The following ZER1 variants were observed in gnomAD, a reference collection of about 807,000 sequenced individuals.
ZER1 encodes zyg-11 related cell cycle regulator, also known as protein zer-1 homolog.
A neutral mutation model predicts 78.8 loss-of-function variants in ZER1; 11 were observed. The observed-to-expected ratio is 0.14, with a 90% CI of 0.09 to 0.23. ZER1 has a LOEUF of 0.23. ZER1 is among the 10% of genes least tolerant of loss of function. The probability of loss-of-function intolerance (pLI) is 1.00; values close to 1 mark genes in which losing one functional copy is unlikely to be tolerated. For synonymous variants in ZER1, 400 were observed against 407.0 expected, an observed-to-expected ratio of 0.98 and a Z score of 0.21; for missense variants, 588 against 996.9, an observed-to-expected ratio of 0.59 and a Z score of 5.52.
intron 14 of ZER1, among the ~76,000 whole-genome samples, chr9:128,734,144 A>AAAAATAT: frequency 1.4e-4 from 2 of 14,444 alleles, no homozygotes; most frequent in African/African-American, 1.9e-4. Flanking sequence ...AAAAAAAAAA[A>AAAAATAT]ATATATATAT....
intron 1 of ZER1, among the ~76,000 whole-genome samples, chr9:128,761,960 A>G (rs971988359): frequency 6.6e-5 from 10 of 152,158 alleles, no homozygotes; most frequent in African/African-American, 2.4e-4. Context: ...TGTGTAAACT[A>G]GACTGGAACC....
chr9:128,757,596 G>A (rs1362354714), intron 1 of ZER1, among the ~76,000 whole-genome samples: 1 of 152,006 alleles, frequency 6.6e-6, no homozygotes, highest in Non-Finnish European at 1.5e-5. Flanking sequence ...ACAAACATGT[G>A]AAAAGCACTC....
At chr9:128,744,056 C>T (rs1863401697) in intron 8 of ZER1, among the ~76,000 whole-genome samples, 1 of 151,990 alleles carries the variant, frequency 6.6e-6, no homozygotes, top group South Asian at 2.1e-4. Context: ...TGCCACCACG[C>T]CCAGCTAATT....
chr9:128,744,841 T>C (rs1019324519), intron 8 of ZER1, among the ~76,000 whole-genome samples: 1 of 152,250 alleles, frequency 6.6e-6, no homozygotes, highest in South Asian at 2.1e-4. Context: ...TATACGTAGC[T>C]GAAATGCATT....
Position 128,755,749 on chromosome 9 carries a change from G to T in ZER1, c.-94-90C>A. 2.7e-6 allele frequency: 2 copies of T among 739,308 alleles called. No individual in the cohort carries two copies. The highest frequency in any genetic ancestry group is 4.3e-5 in the South Asian group (2 of 46,464). 45.8% of individuals were successfully genotyped at this position (739,308 alleles called of 1,614,324 possible). Reference sequence around the variant, plus strand: ...TCCACGCTCTGAGTAGGGAAACTGAGACCACACTCCAATTAGCAGCTTAGC... The same window carrying T: ...TCCACGCTCTGAGTAGGGAAACTGATACCACACTCCAATTAGCAGCTTAGC... On this transcript the variant is annotated intron_variant, in intron 1 of 15. Transcript: ENST00000291900. This position sits in a 1 kb window ranked among gnomAD's most constrained non-coding sequence, Gnocchi z 5.6.
Position 128,734,144 on chromosome 9 carries a change from A to AAAAATATAT in ZER1, c.2141-617_2141-616insATATATTTT. On this transcript the variant is annotated intron_variant, in intron 14 of 15. Coordinates refer to ENST00000291900, the MANE Select transcript of ZER1 (RefSeq NM_006336.4). ...CTCCGTCTCAAAAAAAAAAAAAAAA[A>AAAAATATAT]ATATATATATATATATATAAAATCT... Among the ~76,000 whole-genome samples, 55 of 14,434 alleles carry AAAAATATAT rather than the reference A, an allele frequency of 3.8e-3. 2 individuals are homozygous for AAAAATATAT. The highest frequency in any genetic ancestry group is 6.7e-3 in the African/African-American group (36 of 5,346). 9.5% of individuals were successfully genotyped at this position (14,434 alleles called of 152,430 possible).
chr9:128,748,318 C>T (rs1213863541), intron 8 of ZER1, among the ~76,000 whole-genome samples: 2 of 149,246 alleles, frequency 1.3e-5, no homozygotes, highest in East Asian at 2.0e-4. Context: ...GGCAGAATAG[C>T]GTGAACCTGG....
chr9:128,759,376 C>G (rs943386028), intron 1 of ZER1, among the ~76,000 whole-genome samples: 6 of 147,902 alleles, frequency 4.1e-5, no homozygotes, highest in African/African-American at 1.5e-4. Context: ...GGGGTTTCAT[C>G]ATGTTGCTCA....
At chr9:128,758,443 A>G (rs1863932391) in intron 1 of ZER1, among the ~76,000 whole-genome samples, 1 of 143,976 alleles carries the variant, frequency 6.9e-6, no homozygotes. Context: ...TTAATTTTTG[A>G]GATAGAATCT....
In ZER1 at chr9:128,740,286, G is replaced by C. The variant is rs1863245194; in HGVS notation, c.1854-167C>G. Reference sequence around the variant, plus strand: ...TCTAAAGGGATTTGAGGTCATTTAAGATATAATTACAGGCTGGGCGCAGTG... The same window carrying C: ...TCTAAAGGGATTTGAGGTCATTTAACATATAATTACAGGCTGGGCGCAGTG... On this transcript the variant is annotated intron_variant, in intron 12 of 15. Coordinates refer to ENST00000291900, the MANE Select transcript of ZER1 (RefSeq NM_006336.4). This position sits in a 1 kb window ranked among gnomAD's most constrained non-coding sequence, Gnocchi z 4.4. Among the ~76,000 whole-genome samples, 1 of 152,080 alleles carries C rather than the reference G, an allele frequency of 6.6e-6. No homozygotes were observed. The highest frequency in any genetic ancestry group is 1.5e-5 in the Non-Finnish European group (1 of 67,996).
intron 8 of ZER1, chr9:128,745,863 A>T (rs1488369712): frequency 6.6e-6 from 1 of 150,656 alleles, no homozygotes; most frequent in East Asian, 2.0e-4. Context: ...TTTTTGAGAC[A>T]GAGTCTCACT....
At chr9:128,768,093 T>A (rs1864272902) in intron 1 of ZER1, among the ~76,000 whole-genome samples, 1 of 152,174 alleles carries the variant, frequency 6.6e-6, no homozygotes, top group Admixed American at 6.6e-5. Context: ...TGAAGAGTGA[T>A]GTTCCTGAGA....
intron 10 of ZER1, 45 bp downstream of exon 10, chr9:128,741,755 C>T (rs1029578388): frequency 1.2e-5 from 20 of 1,613,936 alleles, no homozygotes; most frequent in African/African-American, 2.7e-5. Context: ...AGGCCCCTTG[C>T]GAGGTGGGGA....
At chr9:128,744,382 C>A (rs550985552) in intron 8 of ZER1, among the ~76,000 whole-genome samples, 1 of 151,458 alleles carries the variant, frequency 6.6e-6, no homozygotes, top group African/African-American at 2.4e-5. Context: ...TTAGTAGAGA[C>A]AGGGTTTTAC....
At chr9:128,739,892 T>C (rs879102407) in intron 13 of ZER1, 39 bp downstream of exon 13, 4 of 1,583,156 alleles carry the variant, frequency 2.5e-6, no homozygotes, top group Non-Finnish European at 3.5e-6. Context: ...ACTTACCCCA[T>C]ATTCCACACC....
chr9:128,734,915 T>C (rs1188103867), intron 14 of ZER1, among the ~76,000 whole-genome samples: 3 of 151,890 alleles, frequency 2.0e-5, no homozygotes, highest in African/African-American at 7.3e-5. Context: ...GGTCTCACTA[T>C]GTTGCTCAGG....
chr9:128,742,834 C>T, intron 8 of ZER1, 89 bp from the exon 9 acceptor site: 3 of 1,372,188 alleles, frequency 2.2e-6, no homozygotes, highest in Non-Finnish European at 3.0e-6. Flanking sequence ...TGAGCTCATC[C>T]AGAGTTGTGG....
At chr9:128,735,464 G>A in intron 13 of ZER1, 33 bp from the exon 14 acceptor site, 1 of 1,593,584 alleles carries the variant, frequency 6.3e-7, no homozygotes, top group Non-Finnish European at 8.6e-7. Flanking sequence ...CACTGTGGAT[G>A]CTGAGGGTGG....
chr9:128,770,712 C>A (rs1448232078), intron 1 of ZER1, among the ~76,000 whole-genome samples: 1 of 152,200 alleles, frequency 6.6e-6, no homozygotes, highest in Non-Finnish European at 1.5e-5. Flanking sequence ...CACCCCTGGC[C>A]ACCACTTTCT....
Sources: allele counts gnomAD v4.1 joint callset (sites outside exome capture counted in the v4.1 genomes callset), GRCh38; gene constraint gnomAD v4.1.1; non-coding constraint Gnocchi (gnomAD v3.1); transcripts MANE v1.5; gene names NCBI Gene and HGNC (gene_info 2026-07-23, HGNC 2026-07-21).